The following DAPK1 variants were observed in gnomAD, a reference collection of about 807,000 sequenced individuals.
DAPK1 encodes the protein death-associated protein kinase 1.
DAPK1 carries 56 observed loss-of-function variants against 144.9 expected under a neutral mutation model. The observed-to-expected ratio is 0.39, with a 90% CI of 0.31 to 0.48. The LOEUF (loss-of-function observed/expected upper bound fraction) is 0.48, where lower values mean the gene tolerates loss of function less well. Among genes scored for constraint, DAPK1 ranks in the 20% least tolerant of loss-of-function variants. The pLI is 0.95. For missense variants in DAPK1, 1,454 were observed against 1,875.4 expected (o/e 0.78, Z 4.15); for synonymous variants, 690 against 749.0 (o/e 0.92, Z 1.29).
rs750025166 is a variant in DAPK1, at chr9:87,639,795, C to G, written c.609C>G (p.Ile203Met). Reference sequence around the variant, plus strand: ...TGTTTTGTGTTGTTTTTAGGAGTATCGGGGTAATAACCTATATCCTGTAAG... The same window carrying G: ...TGTTTTGTGTTGTTTTTAGGAGTATGGGGGTAATAACCTATATCCTGTAAG... ...PLGLEADMWS[I>M]GVITYILLSG... Residue 203 changes from isoleucine to methionine, a missense_variant, in exon 7 of 26, where the codon ATC becomes ATG. Physicochemically the swap from Ile to Met is conservative, Grantham distance 10 (BLOSUM62 1). This residue lies in a region of DAPK1 where 429 missense variants were observed against 637.5 expected (regional missense o/e 0.67). Transcript: ENST00000408954. 6.2e-7 allele frequency: 1 copy of G among 1,613,300 alleles called. No homozygotes were observed. Among genetic ancestry groups the G allele is most frequent in the Admixed American group, 1.7e-5 (1 of 59,998 alleles).
intron 20 of DAPK1, among the ~76,000 whole-genome samples, chr9:87,683,943 C>T (rs922636395): frequency 1.4e-4 from 21 of 152,178 alleles, no homozygotes; most frequent in Admixed American, 1.2e-3. Context: ...AGGAAGTGTG[C>T]GCTGGTGGTT....
At chr9:87,500,066 C>G (rs1824336695) in intron 2 of DAPK1, among the ~76,000 whole-genome samples, 1 of 152,118 alleles carries the variant, frequency 6.6e-6, no homozygotes, top group South Asian at 2.1e-4. Context: ...TGTATTTTCC[C>G]ATATACATCT....
intron 19 of DAPK1, among the ~76,000 whole-genome samples, chr9:87,670,330 T>C (rs1360434153): frequency 6.6e-6 from 1 of 152,106 alleles, no homozygotes; most frequent in African/African-American, 2.4e-5. Flanking sequence ...GCCTCTAGGC[T>C]GGTGTACATC....
In DAPK1 at chr9:87,706,483, A is replaced by C. The variant is rs1170041028; in HGVS notation, c.3412A>C (p.Thr1138Pro). The change falls in exon 26 of 26, where the codon ACC (threonine) becomes CCC (proline). Residue 1138 changes from threonine (T) to proline (P), a missense_variant. Around this residue, in one of 2 missense-constraint regions of DAPK1, gnomAD observed 1,025 missense variants for 1,237.9 expected, o/e 0.83. Coordinates refer to ENST00000408954, the MANE Select transcript of DAPK1 (RefSeq NM_004938.4). This position sits in a 1 kb window ranked among gnomAD's most constrained non-coding sequence, Gnocchi z 9.0. ...GCGCATCGTGCCCGTGGAACACCTC[A>C]CCCCCTTCCCATGTGGCATCTTTCA... ...GVRIVPVEHLTPFPCGIFHKV... is the reference protein window; with the variant it reads ...GVRIVPVEHLPPFPCGIFHKV... 6.2e-7 allele frequency: 1 copy of C among 1,613,142 alleles called. No individual in the cohort carries two copies. Among genetic ancestry groups the C allele is most frequent in the Non-Finnish European group, 8.5e-7 (1 of 1,179,654 alleles).
rs377253457 is a variant in DAPK1 at position 87,571,473 on chromosome 9, A to ACACACACACACACCCC, written c.63-33480_63-33479insACACACACACACCCCC. Among the ~76,000 whole-genome samples, 26 of 57,632 alleles carry ACACACACACACACCCC rather than the reference A, an allele frequency of 4.5e-4. No individual in the cohort carries two copies. In the East Asian group the frequency reaches 5.9e-3, roughly 13 times the overall value. The allele number at this position is 57,632 out of a possible 152,430, so 37.8% of individuals were successfully genotyped here. A position where few individuals can be genotyped will look rare whatever the true frequency, so the allele number is the denominator to read the frequency against. ...CACACACACACACACACACACACAC[A>ACACACACACACACCCC]CCAACACACACACACACACACCCCA... On this transcript the variant is annotated intron_variant, in intron 2 of 25. Transcript: ENST00000408954.
chr9:87,634,438 C>T (rs1436137503), intron 3 of DAPK1, among the ~76,000 whole-genome samples: 2 of 152,192 alleles, frequency 1.3e-5, no homozygotes, highest in Non-Finnish European at 2.9e-5. Flanking sequence ...TTGGCATCGT[C>T]GTACTTCTTG....
At chr9:87,648,706 G>C in intron 14 of DAPK1, 75 bp from the exon 15 acceptor site, 1 of 1,311,014 alleles carries the variant, frequency 7.6e-7, no homozygotes, top group Non-Finnish European at 1.1e-6. Context: ...AGGCCTGGGT[G>C]TAGGCCTTGG....
At chr9:87,526,562 A>T (rs1433666963) in intron 2 of DAPK1, among the ~76,000 whole-genome samples, 1 of 152,092 alleles carries the variant, frequency 6.6e-6, no homozygotes, top group Non-Finnish European at 1.5e-5. Flanking sequence ...TGACATTTGG[A>T]TTTTTCCAAT....
chr9:87,608,935 A>T (rs2118980981), intron 3 of DAPK1, among the ~76,000 whole-genome samples: 1 of 152,342 alleles, frequency 6.6e-6, no homozygotes, highest in East Asian at 1.9e-4. Flanking sequence ...TGACTGGACC[A>T]TGAGGATCCC....
At chr9:87,561,833 C>A (rs1443973758) in intron 2 of DAPK1, among the ~76,000 whole-genome samples, 1 of 152,176 alleles carries the variant, frequency 6.6e-6, no homozygotes, top group Non-Finnish European at 1.5e-5. Flanking sequence ...GAGACCCAGG[C>A]TCCCTGGGTT....
chr9:87,592,259 G>A (rs576260655), intron 2 of DAPK1, among the ~76,000 whole-genome samples: 2 of 152,326 alleles, frequency 1.3e-5, no homozygotes, highest in African/African-American at 4.8e-5. Context: ...AAGAGGAAGG[G>A]CTTCCCACCC....
In DAPK1 at chr9:87,706,281, G is replaced by T; in HGVS notation, c.3210G>T (p.Gln1070His). ...GCCGCTACACCGTGGAGGACATCCA[G>T]CGCCTGGTGCCCGACAGCGACGTGG... Reference protein sequence around the residue: ...YRGRYTVEDIQRLVPDSDVEE... With the variant: ...YRGRYTVEDIHRLVPDSDVEE... Residue 1070 changes from glutamine to histidine, a missense_variant, in exon 26 of 26, where the codon CAG (glutamine) becomes CAT (histidine). Transcript: ENST00000408954. The surrounding 1 kb of genome is among the most constrained non-coding windows in gnomAD (Gnocchi z 9.0). The T allele has an allele frequency of 6.2e-7, 1 of 1,613,126 alleles. No individual in the cohort carries two copies. Among genetic ancestry groups the T allele is most frequent in the Non-Finnish European group, 8.5e-7 (1 of 1,179,476 alleles).
chr9:87,608,189 C>T (rs1293295498), intron 3 of DAPK1, among the ~76,000 whole-genome samples: 2 of 152,174 alleles, frequency 1.3e-5, no homozygotes, highest in African/African-American at 4.8e-5. Context: ...TGGATGGAGG[C>T]ACGGAGCCAA....
intron 14 of DAPK1, among the ~76,000 whole-genome samples, chr9:87,647,750 C>G (rs1830320213): frequency 6.6e-6 from 1 of 152,228 alleles, no homozygotes; most frequent in Non-Finnish European, 1.5e-5. Flanking sequence ...CGGATCTCTC[C>G]TATTCTCTTC....
chr9:87,538,679 T>A (rs1825939423), intron 2 of DAPK1, among the ~76,000 whole-genome samples: 1 of 152,182 alleles, frequency 6.6e-6, no homozygotes, highest in Non-Finnish European at 1.5e-5. Context: ...GTTGGCTGAT[T>A]CCATAGGAAT....
At chr9:87,590,848 C>T (rs941580422) in intron 2 of DAPK1, among the ~76,000 whole-genome samples, 2 of 152,196 alleles carry the variant, frequency 1.3e-5, no homozygotes, top group East Asian at 1.9e-4. Context: ...CTCAGCCTCC[C>T]GAAGTGCTGG....
chr9:87,635,186 C>G (rs1231832106), intron 3 of DAPK1, among the ~76,000 whole-genome samples: 1 of 151,878 alleles, frequency 6.6e-6, no homozygotes, highest in Admixed American at 6.6e-5. Flanking sequence ...GAAAGCTGGC[C>G]AGAGAAGAGC....
chr9:87,622,659 C>T (rs1388418694), intron 3 of DAPK1, among the ~76,000 whole-genome samples: 3 of 152,130 alleles, frequency 2.0e-5, no homozygotes, highest in Non-Finnish European at 4.4e-5. Context: ...GCCTGTAATC[C>T]TAGCACTTTG....
chr9:87,706,066 C>T lies in DAPK1; in HGVS notation c.3061-66C>T. 1 of 1,251,442 alleles carries T rather than the reference C, an allele frequency of 8.0e-7. No individual in the cohort carries two copies. The highest frequency in any genetic ancestry group is 2.0e-5 in the Admixed American group (1 of 50,874). 77.5% of individuals were successfully genotyped at this position (1,251,442 alleles called of 1,614,324 possible). On this transcript the variant is annotated intron_variant, in intron 25 of 25. Transcript: ENST00000408954. The surrounding 1 kb of genome is among the most constrained non-coding windows in gnomAD (Gnocchi z 9.0). ...TGCCGGCATCAGGCCCTTTAGTGCTCTAAGTGGCTGGTGCACCTGGCCAGG... is the reference window on the plus strand; with the variant it reads ...TGCCGGCATCAGGCCCTTTAGTGCTTTAAGTGGCTGGTGCACCTGGCCAGG...
Sources: allele counts gnomAD v4.1 joint callset (sites outside exome capture counted in the v4.1 genomes callset), GRCh38; gene constraint gnomAD v4.1.1; regional missense constraint gnomAD v4.1.1; non-coding constraint Gnocchi (gnomAD v3.1); transcripts MANE v1.5; gene names NCBI Gene and HGNC (gene_info 2026-07-23, HGNC 2026-07-21).